DPH6: variants seen among roughly 807,000 people sequenced by gnomAD.
The protein encoded by DPH6 is diphthamine biosynthesis 6.
DPH6 carries 33 observed loss-of-function variants against 38.2 expected under a neutral mutation model. The observed-to-expected ratio is 0.86, with a 90% CI of 0.65 to 1.15. The LOEUF is 1.15. DPH6 is among the 50% of genes most tolerant of loss of function. DPH6 has a pLI of 0.00. For synonymous variants in DPH6, 108 were observed against 103.0 expected (o/e 1.05, Z -0.30); for missense variants, 325 against 320.0 (o/e 1.02, Z -0.12).
At chr15:35,179,621 A>G in the DPH6 span, among the ~76,000 whole-genome samples, 106 of 152,346 alleles carry the variant, frequency 7.0e-4, no homozygotes, top group African/African-American at 2.4e-3. Flanking sequence ...ATATATGTGC[A>G]TACAGATAGA....
chr15:35,225,750 A>G (rs1180924341), intron 3 of DPH6, among the ~76,000 whole-genome samples: 3 of 152,244 alleles, frequency 2.0e-5, no homozygotes. Context: ...TGTTACCACA[A>G]TGATTTACTT....
At chr15:35,356,563 G>A (rs1038819963) in intron 3 of DPH6, among the ~76,000 whole-genome samples, 1 of 152,220 alleles carries the variant, frequency 6.6e-6, no homozygotes, top group African/African-American at 2.4e-5. Flanking sequence ...GACCCTGTTT[G>A]CCTGGGTATC....
At chr15:35,278,379 A>C (rs1192318030) in intron 3 of DPH6, among the ~76,000 whole-genome samples, 1 of 152,206 alleles carries the variant, frequency 6.6e-6, no homozygotes, top group Non-Finnish European at 1.5e-5. Context: ...GGTGAAGGAG[A>C]CTTGGCAGCT....
intron 3 of DPH6, among the ~76,000 whole-genome samples, chr15:35,230,444 AG>A (rs2051509471): frequency 6.6e-6 from 1 of 152,152 alleles, no homozygotes. Flanking sequence ...GGCCCAGGGC[AG>A]GTCCAAAAAT....
At chr15:35,267,849 A>G (rs2051792784) in intron 3 of DPH6, among the ~76,000 whole-genome samples, 1 of 152,056 alleles carries the variant, frequency 6.6e-6, no homozygotes, top group African/African-American at 2.4e-5. Context: ...AGCAAAGCAA[A>G]ACTGTTTGAA....
At chr15:35,252,348 A>G (rs2051680654) in intron 3 of DPH6, among the ~76,000 whole-genome samples, 1 of 151,686 alleles carries the variant, frequency 6.6e-6, no homozygotes, top group Non-Finnish European at 1.5e-5. Flanking sequence ...CTATAAACAA[A>G]AAAAGAAAGA....
chr15:35,541,535 C>T (rs1056642463), intron 2 of DPH6, among the ~76,000 whole-genome samples: 4 of 152,074 alleles, frequency 2.6e-5, no homozygotes, highest in Admixed American at 6.5e-5. Flanking sequence ...ACAGGAACTA[C>T]GACTGATGTT....
At chr15:35,148,243 T>C in the DPH6 span, among the ~76,000 whole-genome samples, 4 of 152,220 alleles carry the variant, frequency 2.6e-5, no homozygotes, top group Non-Finnish European at 5.9e-5. Flanking sequence ...TTATTTCATT[T>C]TTCTTCCATT....
At chr15:35,531,288 C>G (rs1391680500) in intron 3 of DPH6, among the ~76,000 whole-genome samples, 1 of 152,078 alleles carries the variant, frequency 6.6e-6, no homozygotes, top group Non-Finnish European at 1.5e-5. Context: ...AAGTAGTGTG[C>G]AGAAGGAAAC....
chr15:35,469,064 CTGCT>C (rs2054165009), intron 3 of DPH6, among the ~76,000 whole-genome samples: 1 of 113,364 alleles, frequency 8.8e-6, no homozygotes, highest in Non-Finnish European at 1.8e-5. Context: ...GAGCAAAACT[CTGCT>C]TCAAAACAAC....
intron 3 of DPH6, among the ~76,000 whole-genome samples, chr15:35,232,358 G>A (rs1449371682): frequency 6.6e-6 from 1 of 152,114 alleles, no homozygotes; most frequent in Non-Finnish European, 1.5e-5. Flanking sequence ...AAGGCGGGTG[G>A]ATCATGAGGT....
intron 5 of DPH6, among the ~76,000 whole-genome samples, chr15:35,430,076 C>A (rs2053613044): frequency 6.6e-6 from 1 of 152,002 alleles, no homozygotes; most frequent in South Asian, 2.1e-4. Flanking sequence ...AAAAAGAAAT[C>A]ATCAAAAATG....
intron 3 of DPH6, among the ~76,000 whole-genome samples, chr15:35,324,510 T>C (rs1595479251): frequency 7.8e-6 from 1 of 127,434 alleles, no homozygotes; most frequent in East Asian, 3.6e-4. Context: ...TCTCAGTCCT[T>C]TCTAGCAGTT....
chr15:35,352,636 T>C (rs991157900), intron 3 of DPH6, among the ~76,000 whole-genome samples: 82 of 152,360 alleles, frequency 5.4e-4, no homozygotes, highest in Non-Finnish European at 1.0e-3. Context: ...CTGCATAGTA[T>C]TCCATGGTGT....
At chr15:35,518,839 A>C (rs2054882802) in intron 3 of DPH6, among the ~76,000 whole-genome samples, 1 of 151,926 alleles carries the variant, frequency 6.6e-6, no homozygotes, top group Admixed American at 6.6e-5. Context: ...GAGCATCTCT[A>C]ATGACCTGGC....
chr15:35,391,258 G>A (rs1339292550), intron 6 of DPH6, among the ~76,000 whole-genome samples: 1 of 152,172 alleles, frequency 6.6e-6, no homozygotes, highest in Non-Finnish European at 1.5e-5. Flanking sequence ...CCCTACTGGG[G>A]GGTGCCTCCC....
At chr15:35,532,530 G>A (rs2055103716) in intron 3 of DPH6, among the ~76,000 whole-genome samples, 1 of 152,072 alleles carries the variant, frequency 6.6e-6, no homozygotes, top group South Asian at 2.1e-4. Context: ...CTCACAGTAG[G>A]GCCTAGGTTT....
chr15:35,457,525 T>C (rs1028158783), intron 3 of DPH6, among the ~76,000 whole-genome samples: 3 of 152,126 alleles, frequency 2.0e-5, no homozygotes, highest in Non-Finnish European at 4.4e-5. Flanking sequence ...CTTGAACTCC[T>C]GACCTTAAGT....
At chr15:35,438,339 C>T (rs2053743556) in intron 5 of DPH6, among the ~76,000 whole-genome samples, 1 of 152,100 alleles carries the variant, frequency 6.6e-6, no homozygotes, top group Admixed American at 6.5e-5. Flanking sequence ...CTTACTGCAA[C>T]CTCCATGTCC....
Sources: allele counts gnomAD v4.1 joint callset (sites outside exome capture counted in the v4.1 genomes callset), GRCh38; gene constraint gnomAD v4.1.1; transcripts MANE v1.5; gene names NCBI Gene and HGNC (gene_info 2026-07-23, HGNC 2026-07-21).